The following MGMT variants were observed in gnomAD, a reference collection of about 807,000 sequenced individuals.
The protein encoded by MGMT is O-6-methylguanine-DNA methyltransferase.
In MGMT, 14 loss-of-function variants were observed where a neutral mutation model predicts 15.9. That is an observed-to-expected ratio of 0.88 (90% confidence interval 0.58 to 1.37). The LOEUF is 1.37. MGMT is among the 40% of genes most tolerant of loss of function. MGMT has a pLI of 0.00. For missense variants in MGMT, 282 were observed against 268.1 expected (o/e 1.05, Z -0.36); for synonymous variants, 130 against 118.2 (o/e 1.10, Z -0.65).
chr10:129,718,801 G>T (rs183601686), intron 3 of MGMT, among the ~76,000 whole-genome samples: 1 of 151,752 alleles, frequency 6.6e-6, no homozygotes, highest in African/African-American at 2.4e-5. Context: ...GCCAGTCCAC[G>T]TGCCTGCTCA....
chr10:129,508,997 A>G (rs1196730984), intron 1 of MGMT, among the ~76,000 whole-genome samples: 2 of 152,254 alleles, frequency 1.3e-5, no homozygotes, highest in East Asian at 3.8e-4. Context: ...AATGAAATTC[A>G]GTAAAATCAA....
chr10:129,531,800 G>A (rs1428794296), intron 1 of MGMT, among the ~76,000 whole-genome samples: 1 of 52,008 alleles, frequency 1.9e-5, no homozygotes, highest in Non-Finnish European at 3.9e-5. Context: ...GGGGGTGGGG[G>A]TTTGTGGGGG....
intron 1 of MGMT, among the ~76,000 whole-genome samples, chr10:129,482,728 G>A (rs1420922801): frequency 6.6e-6 from 1 of 152,112 alleles, no homozygotes; most frequent in Admixed American, 6.5e-5. Flanking sequence ...CTTTTGATTA[G>A]TGTTTCTGTG....
At chr10:129,657,896 G>A (rs1000439143) in intron 2 of MGMT, among the ~76,000 whole-genome samples, 1 of 152,090 alleles carries the variant, frequency 6.6e-6, no homozygotes, top group Non-Finnish European at 1.5e-5. Flanking sequence ...TCCCATGAGT[G>A]CAAAGCCTGA....
At chr10:129,572,401 G>A (rs1410815286) in intron 2 of MGMT, among the ~76,000 whole-genome samples, 4 of 152,152 alleles carry the variant, frequency 2.6e-5, no homozygotes, top group Non-Finnish European at 5.9e-5. Context: ...ATTTAAATCA[G>A]TTGGCTTACA....
intron 1 of MGMT, among the ~76,000 whole-genome samples, chr10:129,474,913 G>T (rs1462987126): frequency 6.6e-6 from 1 of 152,122 alleles, no homozygotes; most frequent in Non-Finnish European, 1.5e-5. Context: ...TCCCCGTGTG[G>T]TAGGGAGACG....
intron 2 of MGMT, among the ~76,000 whole-genome samples, chr10:129,601,285 C>G (rs1458220620): frequency 2.0e-5 from 3 of 152,300 alleles, no homozygotes; most frequent in African/African-American, 7.2e-5. Flanking sequence ...ATATCAAATA[C>G]TGTTTCTCTT....
chr10:129,645,865 G>T (rs1489796542), intron 2 of MGMT, among the ~76,000 whole-genome samples: 1 of 152,198 alleles, frequency 6.6e-6, no homozygotes, highest in African/African-American at 2.4e-5. Context: ...TGGCCAGTCG[G>T]CCGAGGGCCT....
chr10:129,572,571 T>C (rs1375482624), intron 2 of MGMT, among the ~76,000 whole-genome samples: 1 of 152,202 alleles, frequency 6.6e-6, no homozygotes, highest in East Asian at 1.9e-4. Flanking sequence ...GAATTTAGAA[T>C]TAAGTGTGGA....
chr10:129,468,650 C>T (rs536765582), intron 1 of MGMT, among the ~76,000 whole-genome samples: 14 of 151,888 alleles, frequency 9.2e-5, no homozygotes, highest in African/African-American at 2.2e-4. Context: ...TTTGGGAGGC[C>T]GAGGTGGGTG....
chr10:129,723,371 ATAT>A (rs1204422923), intron 3 of MGMT, among the ~76,000 whole-genome samples: 3 of 152,146 alleles, frequency 2.0e-5, no homozygotes, highest in Admixed American at 2.0e-4. Flanking sequence ...TTTCAGATAA[ATAT>A]TATTCACCAT....
chr10:129,595,226 G>T (rs1382837615), intron 2 of MGMT, among the ~76,000 whole-genome samples: 1 of 152,182 alleles, frequency 6.6e-6, no homozygotes, highest in Non-Finnish European at 1.5e-5. Context: ...TGCAGCCATG[G>T]TGCCTTTGAG....
chr10:129,572,162 G>C (rs544376063), intron 2 of MGMT, among the ~76,000 whole-genome samples: 1 of 152,044 alleles, frequency 6.6e-6, no homozygotes, highest in Non-Finnish European at 1.5e-5. Flanking sequence ...TTAAATAAAC[G>C]GCTTTGATGT....
chr10:129,493,121 A>C (rs1400645483), intron 1 of MGMT, among the ~76,000 whole-genome samples: 1 of 152,096 alleles, frequency 6.6e-6, no homozygotes, highest in Non-Finnish European at 1.5e-5. Context: ...TTATTAATTT[A>C]TATGGGCTGA....
intron 2 of MGMT, among the ~76,000 whole-genome samples, chr10:129,544,292 G>A (rs936138163): frequency 6.6e-6 from 1 of 152,176 alleles, no homozygotes; most frequent in Non-Finnish European, 1.5e-5. Context: ...GGCAGCCACC[G>A]GATAGGCACG....
chr10:129,553,231 C>G (rs920743236), intron 2 of MGMT, among the ~76,000 whole-genome samples: 5 of 152,128 alleles, frequency 3.3e-5, no homozygotes, highest in Non-Finnish European at 7.4e-5. Flanking sequence ...AGTATAATTT[C>G]TAGAGGTAGA....
At chr10:129,473,123 G>T (rs372563155) in intron 1 of MGMT, among the ~76,000 whole-genome samples, 1 of 152,160 alleles carries the variant, frequency 6.6e-6, no homozygotes, top group Non-Finnish European at 1.5e-5. Context: ...CCCAAAGGAC[G>T]GACACAGGAT....
intron 2 of MGMT, among the ~76,000 whole-genome samples, chr10:129,576,279 A>C (rs1846481887): frequency 6.6e-6 from 1 of 152,190 alleles, no homozygotes; most frequent in Non-Finnish European, 1.5e-5. Context: ...TGATGCAAAA[A>C]TCCTCAATAA....
chr10:129,604,083 A>G (rs1162933375), intron 2 of MGMT, among the ~76,000 whole-genome samples: 3 of 152,104 alleles, frequency 2.0e-5, no homozygotes, highest in Non-Finnish European at 4.4e-5. Context: ...TTTGTTTTCT[A>G]CCCCAAGCAG....
Sources: gnomAD v4.1 joint callset for allele counts (sites outside exome capture counted in the v4.1 genomes callset) on GRCh38, gnomAD v4.1.1 for gene constraint, MANE v1.5 for transcripts, NCBI Gene and HGNC (gene_info 2026-07-23, HGNC 2026-07-21) for gene names.